The following MUSK variants were observed in gnomAD, a reference collection of about 807,000 sequenced individuals.
MUSK encodes muscle, skeletal receptor tyrosine-protein kinase.
MUSK carries 55 observed loss-of-function variants against 88.7 expected under a neutral mutation model. The ratio of observed to expected loss-of-function variants is 0.62; its 90% CI spans 0.50 to 0.78. MUSK has a LOEUF of 0.78. Among genes scored for constraint, MUSK ranks in the 30% least tolerant of loss-of-function variants. The probability of loss-of-function intolerance (pLI) is 0.00; values close to 1 mark genes in which losing one functional copy is unlikely to be tolerated. For missense variants in MUSK, 1,015 were observed against 1,074.3 expected, an observed-to-expected ratio of 0.94 and a Z score of 0.77; for synonymous variants, 387 against 391.9, an observed-to-expected ratio of 0.99 and a Z score of 0.15.
At chr9:110,714,133 G>C (rs2076714100) in intron 5 of MUSK, among the ~76,000 whole-genome samples, 1 of 151,996 alleles carries the variant, frequency 6.6e-6, no homozygotes, top group Admixed American at 6.6e-5. Flanking sequence ...AAGTGAATCA[G>C]GAATGAAGTC....
intron 4 of MUSK, 122 bp downstream of exon 4, chr9:110,695,652 C>A: frequency 1.2e-6 from 1 of 801,826 alleles, no homozygotes; most frequent in Non-Finnish European, 1.9e-6. Flanking sequence ...TACATTTTAA[C>A]CAAATGTAAA....
rs2076105980 is a variant in MUSK at position 110,681,023 on chromosome 9, T to TATATTATATATA, written c.80-1647_80-1646insTATATATAATAT. 9.9e-5 allele frequency among the ~76,000 whole-genome samples: 3 copies of TATATTATATATA among 30,302 alleles called. 1 individual carries two copies. The highest frequency in any genetic ancestry group is 5.5e-4 in the African/African-American group (3 of 5,498). 19.9% of individuals were successfully genotyped at this position (30,302 alleles called of 152,430 possible). A position where few individuals can be genotyped will look rare whatever the true frequency, so the allele number is the denominator to read the frequency against. On this transcript the variant is annotated intron_variant, in intron 1 of 14. Transcript: ENST00000374448. ...ATATTATATTATATATAATATATAT[T>TATATTATATATA]ATATATTATATATTATATAATATAT...
intron 3 of MUSK, among the ~76,000 whole-genome samples, chr9:110,692,756 T>TTCTAATTCA: frequency 6.6e-6 from 1 of 152,156 alleles, no homozygotes; most frequent in Non-Finnish European, 1.5e-5. Flanking sequence ...AACTCACTTG[T>TTCTAATTCA]ATGATACAAT....
At chr9:110,703,456 G>A (rs1461339518) in intron 5 of MUSK, among the ~76,000 whole-genome samples, 1 of 151,916 alleles carries the variant, frequency 6.6e-6, no homozygotes, top group Admixed American at 6.6e-5. Context: ...CTTAAACCCA[G>A]GAGGCAGAGG....
intron 5 of MUSK, among the ~76,000 whole-genome samples, chr9:110,732,038 A>AT (rs1033184051): frequency 1.3e-5 from 2 of 152,066 alleles, no homozygotes; most frequent in Admixed American, 6.6e-5. Context: ...TTATTCTCCA[A>AT]TTTTTTATTC....
At chr9:110,797,926 G>A (rs2078035462) in intron 14 of MUSK, among the ~76,000 whole-genome samples, 1 of 152,114 alleles carries the variant, frequency 6.6e-6, no homozygotes, top group Non-Finnish European at 1.5e-5. Flanking sequence ...GATTCAAACA[G>A]AAACTATGTA....
At chr9:110,750,752 T>G (rs2077237571) in intron 7 of MUSK, among the ~76,000 whole-genome samples, 1 of 152,190 alleles carries the variant, frequency 6.6e-6, no homozygotes. Context: ...ACATTAATGT[T>G]GCCATCCATG....
At chr9:110,754,604 A>T (rs1018011380) in intron 7 of MUSK, among the ~76,000 whole-genome samples, 4 of 152,188 alleles carry the variant, frequency 2.6e-5, no homozygotes, top group Admixed American at 2.0e-4. Flanking sequence ...CTCCTTCCAC[A>T]TTACAAAATG....
chr9:110,785,697 T>G lies in MUSK; in HGVS notation c.1757T>G (p.Phe586Cys), dbSNP rs771679900. 1 of 1,605,400 alleles carries G rather than the reference T, an allele frequency of 6.2e-7. No individual in the cohort carries two copies. ...GTGAGAGACATCGGAGAGGGAGCGT[T>G]TGGAAGGGTGTTTCAAGCAAGGTAA... is the stretch of plus-strand genomic sequence containing the variant. Reference protein sequence around the residue: ...EYVRDIGEGAFGRVFQARAPG... With the variant: ...EYVRDIGEGACGRVFQARAPG... Residue 586 changes from phenylalanine to cysteine, a missense_variant, in exon 13 of 15, where the codon TTT (phenylalanine) becomes TGT (cysteine). Physicochemically the swap from Phe to Cys is radical, Grantham distance 205 (BLOSUM62 -2). Coordinates refer to ENST00000374448, the MANE Select transcript of MUSK (RefSeq NM_005592.4).
At chr9:110,762,040 T>C in intron 7 of MUSK, 162 bp from the exon 8 acceptor site, 1 of 796,598 alleles carries the variant, frequency 1.3e-6, no homozygotes, top group Non-Finnish European at 1.5e-6. Flanking sequence ...TGCCCATTAA[T>C]GCAGCATCTG....
chr9:110,773,131 C>T (rs1161082482), intron 9 of MUSK, among the ~76,000 whole-genome samples: 1 of 151,952 alleles, frequency 6.6e-6, no homozygotes, highest in African/African-American at 2.4e-5. Context: ...TCCTTCTGGG[C>T]TCCAAGTACT....
intron 5 of MUSK, among the ~76,000 whole-genome samples, chr9:110,730,522 T>C (rs2076949840): frequency 2.0e-5 from 3 of 152,082 alleles, no homozygotes; most frequent in Admixed American, 1.3e-4. Context: ...CATATAACTT[T>C]TTAAATTGAT....
rs1417062202 is a variant in MUSK, at chr9:110,689,743, T to TACATATAATA, written c.358+2475_358+2476insACATATAATA. Among the ~76,000 whole-genome samples the TACATATAATA allele has an allele frequency of 5.4e-5, 4 of 74,140 alleles. No homozygotes were observed. In the South Asian group the frequency reaches 1.2e-3, roughly 21 times the overall value. 48.6% of individuals were successfully genotyped at this position (74,140 alleles called of 152,430 possible). A position where few individuals can be genotyped will look rare whatever the true frequency, so the allele number is the denominator to read the frequency against. On this transcript the variant is annotated intron_variant, in intron 3 of 14. Coordinates refer to ENST00000374448, the MANE Select transcript of MUSK (RefSeq NM_005592.4). The stretch of plus-strand genomic sequence containing the variant: ...TGTTATATATAGTTTATATATAATA[T>TACATATAATA]TATATATTATATATAAACTATATAT...
chr9:110,694,775 A>G (rs1054925593), intron 3 of MUSK, among the ~76,000 whole-genome samples: 5 of 152,180 alleles, frequency 3.3e-5, no homozygotes, highest in Admixed American at 2.6e-4. Flanking sequence ...TGAGAATAAA[A>G]ATTAACTGGC....
chr9:110,678,526 A>AT (rs1429783823), intron 1 of MUSK, among the ~76,000 whole-genome samples: 1 of 151,850 alleles, frequency 6.6e-6, no homozygotes. Flanking sequence ...GGGGCATTAT[A>AT]TTTTTTTCAG....
intron 1 of MUSK, among the ~76,000 whole-genome samples, chr9:110,672,795 C>T (rs1301589091): frequency 5.3e-5 from 8 of 152,024 alleles, no homozygotes; most frequent in African/African-American, 9.7e-5. Flanking sequence ...TCATGTCAAT[C>T]CAAAAATAAT....
Position 110,734,249 on chromosome 9 carries a change from A to G in MUSK, c.629-2A>G. 6.2e-7 allele frequency: 1 copy of G among 1,610,592 alleles called. No individual in the cohort carries two copies. Among genetic ancestry groups the G allele is most frequent in the Non-Finnish European group, 8.5e-7 (1 of 1,178,224 alleles). On this transcript the variant is annotated splice_acceptor_variant, in intron 5 of 14. Transcript: ENST00000374448. LOFTEE classifies it high-confidence loss of function. Reference sequence around the variant, plus strand: ...CACTCACCACTTCTGTCTTCCTAACAGTTTTTGCCAGGATCCTGCGGGCTC... The same window carrying G: ...CACTCACCACTTCTGTCTTCCTAACGGTTTTTGCCAGGATCCTGCGGGCTC...
At chr9:110,757,938 A>G (rs2077347775) in intron 7 of MUSK, among the ~76,000 whole-genome samples, 1 of 152,190 alleles carries the variant, frequency 6.6e-6, no homozygotes, top group South Asian at 2.1e-4. Context: ...CATGTTATTT[A>G]TCAAGAGATG....
intron 5 of MUSK, among the ~76,000 whole-genome samples, chr9:110,721,488 C>T (rs2076810441): frequency 6.6e-6 from 1 of 152,022 alleles, no homozygotes. Flanking sequence ...ACTGCTTTTA[C>T]AATAGCTACA....
Sources: gnomAD v4.1 joint callset for allele counts (sites outside exome capture counted in the v4.1 genomes callset) on GRCh38, gnomAD v4.1.1 for gene constraint, MANE v1.5 for transcripts, NCBI Gene and HGNC (gene_info 2026-07-23, HGNC 2026-07-21) for gene names.